The following ADCY2 variants were observed in gnomAD, a reference collection of about 807,000 sequenced individuals.
ADCY2 encodes adenylate cyclase 2, also known as adenylate cyclase type 2.
In ADCY2, 31 loss-of-function variants were observed where a neutral mutation model predicts 125.2. That is an observed-to-expected ratio of 0.25 (90% CI 0.19 to 0.33). The LOEUF (loss-of-function observed/expected upper bound fraction) is 0.33, where lower values mean the gene tolerates loss of function less well. Among genes scored for constraint, ADCY2 ranks in the 10% least tolerant of loss-of-function variants. ADCY2 has a pLI of 1.00. For missense variants in ADCY2, 904 were observed against 1,418.2 expected (o/e 0.64, Z 5.82); for synonymous variants, 512 against 548.4 (o/e 0.93, Z 0.93).
chr5:7,538,393 A>G (rs1435711542), intron 3 of ADCY2, among the ~76,000 whole-genome samples: 2 of 152,128 alleles, frequency 1.3e-5, no homozygotes, highest in African/African-American at 4.8e-5. Flanking sequence ...AGGATTAGGG[A>G]TTGGGAGTAT....
chr5:7,408,357 A>G (rs111641057), intron 1 of ADCY2, among the ~76,000 whole-genome samples: 10 of 152,166 alleles, frequency 6.6e-5, no homozygotes, highest in African/African-American at 2.2e-4. Context: ...GAAAATTTAC[A>G]TTAGGTGGCT....
rs112679735 is a variant in ADCY2, at chr5:7,650,642, C to T, written c.720+24326C>T. The stretch of plus-strand genomic sequence containing the variant: ...TTCTTGCCCCCCGGACAGTGGCTTG[C>T]GATTTCTGTATGTTCCAGTATTGCT... On this transcript the variant is annotated intron_variant, in intron 4 of 24. Coordinates refer to ENST00000338316, the MANE Select transcript of ADCY2 (RefSeq NM_020546.3). 1.0e-3 allele frequency among the ~76,000 whole-genome samples: 158 copies of T among 152,172 alleles called. 2 individuals are homozygous for T. Among genetic ancestry groups the T allele is most frequent in the African/African-American group, 3.7e-3 (154 of 41,532 alleles).
Position 7,443,816 on chromosome 5 carries a change from T to C in ADCY2, c.408+29046T>C, listed in dbSNP as rs558808030. Among the ~76,000 whole-genome samples the C allele has an allele frequency of 5.9e-5, 9 of 152,178 alleles. No individual in the cohort carries two copies. The East Asian group carries it at 1.5e-3, about 26-fold the overall frequency. On this transcript the variant is annotated intron_variant, in intron 2 of 24. Transcript: ENST00000338316. Reference sequence around the variant, plus strand: ...CTAAGGATGCATTTCACGAAATACATAGGGTCGGAATATTGTGTTTTAACA... The same window carrying C: ...CTAAGGATGCATTTCACGAAATACACAGGGTCGGAATATTGTGTTTTAACA...
chr5:7,552,982 G>A (rs1735386003), intron 3 of ADCY2, among the ~76,000 whole-genome samples: 1 of 152,142 alleles, frequency 6.6e-6, no homozygotes, highest in African/African-American at 2.4e-5. Context: ...GCCACTCAGG[G>A]GACAGGTTAG....
chr5:7,762,518 T>C (rs146369529), intron 16 of ADCY2, among the ~76,000 whole-genome samples: 62 of 152,328 alleles, frequency 4.1e-4, no homozygotes, highest in Non-Finnish European at 8.1e-4. Flanking sequence ...GGAGCACCTG[T>C]GCAGGGTGGT....
chr5:7,582,084 A>T (rs138869307), intron 3 of ADCY2, among the ~76,000 whole-genome samples: 3 of 152,290 alleles, frequency 2.0e-5, no homozygotes, highest in Non-Finnish European at 4.4e-5. Context: ...GCAGCAAAAG[A>T]TAAGTAGGCA....
At chr5:7,589,462 G>GAAAA (rs1554022177) in intron 3 of ADCY2, among the ~76,000 whole-genome samples, 1 of 34,204 alleles carries the variant, frequency 2.9e-5, no homozygotes, top group Admixed American at 4.0e-4. Context: ...GAAAGAAAAA[G>GAAAA]AAAGAAAGAA....
At chr5:7,746,870 G>A (rs1742641455) in intron 15 of ADCY2, among the ~76,000 whole-genome samples, 1 of 152,188 alleles carries the variant, frequency 6.6e-6, no homozygotes, top group African/African-American at 2.4e-5. Context: ...CTTTGCCTCT[G>A]TCATTCTCTG....
At chr5:7,822,333 C>G (rs1745327475) in intron 24 of ADCY2, among the ~76,000 whole-genome samples, 1 of 152,178 alleles carries the variant, frequency 6.6e-6, no homozygotes, top group African/African-American at 2.4e-5. Flanking sequence ...CCCAAATCCA[C>G]TTAATATATT....
intron 4 of ADCY2, among the ~76,000 whole-genome samples, chr5:7,652,653 G>A (rs1483951043): frequency 1.3e-5 from 2 of 152,224 alleles, no homozygotes; most frequent in Admixed American, 6.5e-5. Context: ...TACACCAGGA[G>A]CACAAAGCTC....
chr5:7,444,867 A>C (rs1741177542), intron 2 of ADCY2, among the ~76,000 whole-genome samples: 1 of 152,154 alleles, frequency 6.6e-6, no homozygotes, highest in Non-Finnish European at 1.5e-5. Flanking sequence ...AGTGAGCTTG[A>C]GCAGCTTTTC....
intron 4 of ADCY2, among the ~76,000 whole-genome samples, chr5:7,666,039 C>T (rs1195319130): frequency 9.9e-5 from 15 of 150,942 alleles, no homozygotes; most frequent in South Asian, 6.3e-4. Context: ...AGGGTTTCAC[C>T]ATGTTAGCCA....
At chr5:7,652,653 G>T (rs1483951043) in intron 4 of ADCY2, among the ~76,000 whole-genome samples, 3 of 152,224 alleles carry the variant, frequency 2.0e-5, no homozygotes, top group Admixed American at 6.5e-5. Flanking sequence ...TACACCAGGA[G>T]CACAAAGCTC....
rs1377040873 is a variant in ADCY2, at chr5:7,441,555, A to G, written c.408+26785A>G. The stretch of plus-strand genomic sequence containing the variant: ...AAATAAAGAAAAAAAGCCCTGATTT[A>G]TAGTGGTTGCTGTTTTCCAAGGCAT... On this transcript the variant is annotated intron_variant, in intron 2 of 24. Transcript: ENST00000338316. Among the ~76,000 whole-genome samples, 4 of 152,268 alleles carry G rather than the reference A, an allele frequency of 2.6e-5. No individual in the cohort carries two copies. In the South Asian group the frequency reaches 6.2e-4, roughly 24 times the overall value.
chr5:7,501,619 C>A (rs1743576357), intron 2 of ADCY2, among the ~76,000 whole-genome samples: 1 of 114,512 alleles, frequency 8.7e-6, no homozygotes, highest in African/African-American at 3.4e-5. Flanking sequence ...TCCTCATATC[C>A]CATCAAAAAA....
chr5:7,646,491 G>T (rs17829094), intron 4 of ADCY2, among the ~76,000 whole-genome samples: 32,059 of 151,990 alleles, frequency 0.21, 4,432 homozygotes, highest in Non-Finnish European at 0.31. Context: ...AAGCTTAAAA[G>T]ACCCTCTTAT....
intron 4 of ADCY2, among the ~76,000 whole-genome samples, chr5:7,663,209 A>T (rs1739595695): frequency 6.6e-6 from 1 of 152,260 alleles, no homozygotes; most frequent in African/African-American, 2.4e-5. Context: ...CACCTTCTAG[A>T]TTGACACAGA....
chr5:7,735,634 T>G (rs543922433), intron 14 of ADCY2, among the ~76,000 whole-genome samples: 5 of 152,256 alleles, frequency 3.3e-5, no homozygotes, highest in African/African-American at 4.8e-5. Context: ...GGTTGACTGA[T>G]ATTCAGATAT....
intron 3 of ADCY2, chr5:7,610,976 A>G (rs576334798): frequency 7.2e-5 from 11 of 152,226 alleles, no homozygotes; most frequent in African/African-American, 2.6e-4. Flanking sequence ...TTTTTTTCTC[A>G]TCAGCATCTT....
Sources: gnomAD v4.1 joint callset for allele counts (sites outside exome capture counted in the v4.1 genomes callset) on GRCh38, gnomAD v4.1.1 for gene constraint, MANE v1.5 for transcripts, NCBI Gene and HGNC (gene_info 2026-07-23, HGNC 2026-07-21) for gene names.